MRTFA: variants seen among roughly 807,000 people sequenced by gnomAD.
The protein encoded by MRTFA is myocardin related transcription factor A.
MRTFA carries 20 observed loss-of-function variants against 83.5 expected under a neutral mutation model. That is an observed-to-expected ratio of 0.24 (90% CI 0.17 to 0.35). MRTFA has a LOEUF of 0.35. Among genes scored for constraint, MRTFA ranks in the 10% least tolerant of loss-of-function variants. The pLI is 1.00. For missense variants in MRTFA, 1,200 were observed against 1,224.7 expected, an observed-to-expected ratio of 0.98 and a Z score of 0.30; for synonymous variants, 659 against 541.2, an observed-to-expected ratio of 1.22 and a Z score of -3.02.
At chr22:40,550,845 CTTTTTTCTT>C (rs1569323971) in intron 3 of MRTFA, among the ~76,000 whole-genome samples, 1 of 72,486 alleles carries the variant, frequency 1.4e-5, no homozygotes. Context: ...TCCATTTTTT[CTTTTTTCTT>C]TTTTTTTTTT....
chr22:40,526,698 G>T (rs1293816825), intron 3 of MRTFA: 1 of 152,176 alleles, frequency 6.6e-6, no homozygotes, highest in African/African-American at 2.4e-5. Flanking sequence ...TTAAACACCT[G>T]TTCCATCTCT....
In MRTFA at chr22:40,411,667, A is replaced by C; in HGVS notation, c.2819T>G (p.Ile940Ser). Residue 940 changes from isoleucine to serine, a missense_variant, in exon 15 of 15, where the codon ATT becomes AGT. By Grantham distance (142) the Ile-to-Ser change is moderately radical. Around this residue, in one of 2 missense-constraint regions of MRTFA, gnomAD observed 1,107 missense variants for 1,041.8 expected, o/e 1.06. Transcript: ENST00000355630. ...CAGCATCTGGCTATGGAGGTCGTCA[A>C]TGAGGGAAAGGGGCTCTGGCCCGTC... The C allele has an allele frequency of 6.2e-7, 1 of 1,610,504 alleles. No individual in the cohort carries two copies. The highest frequency in any genetic ancestry group is 8.5e-7 in the Non-Finnish European group (1 of 1,178,136).
At chr22:40,457,321 C>T (rs1412771814) in intron 4 of MRTFA, among the ~76,000 whole-genome samples, 3 of 151,360 alleles carry the variant, frequency 2.0e-5, no homozygotes, top group Non-Finnish European at 2.9e-5. Context: ...GCTTAGATGG[C>T]GCCACTGCAC....
chr22:40,578,110 T>C (rs2055894026), intron 2 of MRTFA, among the ~76,000 whole-genome samples: 1 of 151,944 alleles, frequency 6.6e-6, no homozygotes, highest in African/African-American at 2.4e-5. Context: ...CGTGCCACCA[T>C]GCCTGGCTAA....
At chr22:40,470,252 T>C (rs1487148162) in intron 3 of MRTFA, among the ~76,000 whole-genome samples, 1 of 59,294 alleles carries the variant, frequency 1.7e-5, no homozygotes, top group South Asian at 5.2e-4. Flanking sequence ...TATATATATA[T>C]ATATATATAT....
chr22:40,502,208 C>G (rs1199937034), intron 3 of MRTFA, among the ~76,000 whole-genome samples: 1 of 145,720 alleles, frequency 6.9e-6, no homozygotes, highest in Non-Finnish European at 1.5e-5. Flanking sequence ...GGCGGAGACG[C>G]TCCTCACTTC....
intron 2 of MRTFA, chr22:40,587,933 G>T: frequency 2.6e-6 from 1 of 388,004 alleles, no homozygotes; most frequent in Non-Finnish European, 5.0e-6. Flanking sequence ...AGGAGACAAA[G>T]TGACATTTTT....
At chr22:40,607,915 A>C (rs1348328836) in intron 1 of MRTFA, among the ~76,000 whole-genome samples, 1 of 152,252 alleles carries the variant, frequency 6.6e-6, no homozygotes, top group Non-Finnish European at 1.5e-5. Context: ...TGGGATTAAC[A>C]ATCTCCAATA....
At chr22:40,459,335 C>T (rs2053654574) in intron 4 of MRTFA, among the ~76,000 whole-genome samples, 1 of 151,678 alleles carries the variant, frequency 6.6e-6, no homozygotes, top group Admixed American at 6.6e-5. Flanking sequence ...GAAATTCACA[C>T]CTGAAACTAT....
intron 3 of MRTFA, among the ~76,000 whole-genome samples, chr22:40,494,438 G>A (rs917941185): frequency 1.3e-5 from 2 of 152,088 alleles, no homozygotes; most frequent in Non-Finnish European, 2.9e-5. Context: ...CAACAGTTTG[G>A]GAGGCCAAGG....
At chr22:40,614,281 C>T (rs1049260236) in intron 1 of MRTFA, among the ~76,000 whole-genome samples, 1 of 151,252 alleles carries the variant, frequency 6.6e-6, no homozygotes, top group South Asian at 2.1e-4. Flanking sequence ...CATGGTAGCA[C>T]CCACCTGTAG....
intron 1 of MRTFA, among the ~76,000 whole-genome samples, chr22:40,612,631 ATCAATC>A (rs554290217): frequency 1.3e-5 from 2 of 152,168 alleles, no homozygotes; most frequent in Non-Finnish European, 2.9e-5. Flanking sequence ...CTCATAAATC[ATCAATC>A]TCAATCAAGA....
intron 3 of MRTFA, among the ~76,000 whole-genome samples, chr22:40,513,672 C>T (rs2054706824): frequency 6.6e-6 from 1 of 151,018 alleles, no homozygotes; most frequent in South Asian, 2.1e-4. Context: ...AAAATGAGTC[C>T]TTTGACTTAA....
intron 4 of MRTFA, among the ~76,000 whole-genome samples, chr22:40,460,986 C>G (rs1365440935): frequency 2.0e-5 from 3 of 151,866 alleles, no homozygotes; most frequent in Non-Finnish European, 4.4e-5. Flanking sequence ...ACCGCTTGAG[C>G]CCAGGAGTTC....
intron 3 of MRTFA, among the ~76,000 whole-genome samples, chr22:40,517,618 G>A (rs890985196): frequency 1.3e-5 from 2 of 152,154 alleles, no homozygotes; most frequent in Non-Finnish European, 2.9e-5. Context: ...GCAATGTTGT[G>A]ATTTATAATA....
At chr22:40,447,235 C>T (rs745681589) in intron 4 of MRTFA, among the ~76,000 whole-genome samples, 1 of 151,542 alleles carries the variant, frequency 6.6e-6, no homozygotes, top group African/African-American at 2.4e-5. Context: ...ACCTGTAGTC[C>T]GATCTATTTG....
At chr22:40,492,389 C>T (rs2054286462) in intron 3 of MRTFA, among the ~76,000 whole-genome samples, 1 of 152,150 alleles carries the variant, frequency 6.6e-6, no homozygotes, top group African/African-American at 2.4e-5. Flanking sequence ...CAGCACTGGG[C>T]CTAGACACAG....
At position 40,418,431 on chromosome 22, in the gene MRTFA, G is replaced by A; in HGVS notation, c.2307C>T (p.Leu769=). The change falls in exon 12 of 15, where the codon CTC becomes CTT. Residue 769 remains leucine, a synonymous_variant. Coordinates refer to ENST00000355630, the MANE Select transcript of MRTFA (RefSeq NM_020831.6). ...TGTCTGCATTCTTATTGGTCACGGT[G>A]AGGACAAGGTGGGTCCCTGTGGAGT... The A allele has an allele frequency of 1.2e-6, 2 of 1,614,072 alleles. No individual in the cohort carries two copies. The highest frequency in any genetic ancestry group is 1.1e-5 in the South Asian group (1 of 91,078).
intron 3 of MRTFA, among the ~76,000 whole-genome samples, chr22:40,511,395 C>T (rs1464066661): frequency 6.6e-6 from 1 of 152,186 alleles, no homozygotes; most frequent in African/African-American, 2.4e-5. Flanking sequence ...TAAGTGCACA[C>T]TAGTCATTTA....
Sources: allele counts gnomAD v4.1 joint callset (sites outside exome capture counted in the v4.1 genomes callset), GRCh38; gene constraint gnomAD v4.1.1; regional missense constraint gnomAD v4.1.1; transcripts MANE v1.5; gene names NCBI Gene and HGNC (gene_info 2026-07-23, HGNC 2026-07-21).